The following NRG1 variants were observed in gnomAD, a reference collection of about 807,000 sequenced individuals.
NRG1 encodes pro-neuregulin-1, membrane-bound isoform.
In NRG1, 18 loss-of-function variants were observed where a neutral mutation model predicts 63.8. That is an observed-to-expected ratio of 0.28 (90% CI 0.19 to 0.42). The LOEUF is 0.42. Ranked by LOEUF, NRG1 falls within the 10% of genes least tolerant of loss-of-function variation. NRG1 has a pLI of 1.00. For synonymous variants in NRG1, 302 were observed against 301.3 expected, an observed-to-expected ratio of 1.00 and a Z score of -0.02; for missense variants, 762 against 814.7, an observed-to-expected ratio of 0.94 and a Z score of 0.79.
At chr8:32,276,715 G>A (rs190635932) in intron 1 of NRG1, among the ~76,000 whole-genome samples, 1,968 of 152,236 alleles carry the variant, frequency 0.013, 26 homozygotes, top group Non-Finnish European at 0.017. Context: ...TGTTGATGAG[G>A]CTGCTTTGGA....
intron 1 of NRG1, among the ~76,000 whole-genome samples, chr8:32,550,092 G>A (rs1215471331): frequency 1.3e-5 from 2 of 152,126 alleles, no homozygotes; most frequent in African/African-American, 4.8e-5. Flanking sequence ...TGGGTTATTG[G>A]CAGAGACCTT....
intron 1 of NRG1, among the ~76,000 whole-genome samples, chr8:32,289,082 T>C (rs10481038): frequency 0.051 from 7,733 of 152,308 alleles, 479 homozygotes; most frequent in African/African-American, 0.15. Context: ...ATTTTGTCTC[T>C]TTAATTTTCT....
chr8:32,267,379 C>G, intron 1 of NRG1, among the ~76,000 whole-genome samples: 1 of 152,154 alleles, frequency 6.6e-6, no homozygotes, highest in East Asian at 1.9e-4. Context: ...GAAGATAAGG[C>G]AGTTGGCACA....
intron 1 of NRG1, among the ~76,000 whole-genome samples, chr8:31,704,811 G>C (rs368939740): frequency 2.8e-5 from 4 of 140,984 alleles, no homozygotes; most frequent in African/African-American, 1.1e-4. Context: ...CAGCCTGGGC[G>C]ACAGAGTGAG....
chr8:32,504,213 C>T (rs1588016970), intron 1 of NRG1, among the ~76,000 whole-genome samples: 1 of 152,094 alleles, frequency 6.6e-6, no homozygotes, highest in Admixed American at 6.6e-5. Context: ...CAGCTGCAAC[C>T]AATTATTATT....
chr8:32,087,513 ACT>A (rs1223797686), intron 1 of NRG1, among the ~76,000 whole-genome samples: 56 of 79,674 alleles, frequency 7.0e-4, no homozygotes, highest in African/African-American at 2.5e-3. Flanking sequence ...ATGGACTGTC[ACT>A]CTGTCACTCA....
At chr8:31,902,338 A>C (rs1832153592) in intron 1 of NRG1, among the ~76,000 whole-genome samples, 1 of 152,224 alleles carries the variant, frequency 6.6e-6, no homozygotes, top group Non-Finnish European at 1.5e-5. Flanking sequence ...GAATGAACAG[A>C]TCCTGGGATA....
intron 1 of NRG1, among the ~76,000 whole-genome samples, chr8:32,262,854 G>T (rs572362301): frequency 1.3e-5 from 2 of 152,216 alleles, no homozygotes; most frequent in East Asian, 3.9e-4. Context: ...TAATAGGTTG[G>T]TCAAATCCTG....
At chr8:32,694,968 T>C (rs1026110466) in intron 5 of NRG1, among the ~76,000 whole-genome samples, 3 of 152,166 alleles carry the variant, frequency 2.0e-5, no homozygotes, top group Non-Finnish European at 4.4e-5. Context: ...TGCCCTGCAA[T>C]TACTGATGAT....
chr8:31,864,246 C>T (rs1397706069), intron 1 of NRG1, among the ~76,000 whole-genome samples: 1 of 152,124 alleles, frequency 6.6e-6, no homozygotes, highest in African/African-American at 2.4e-5. Flanking sequence ...TAGCCACTGA[C>T]CAGGTAATGC....
At chr8:32,585,603 G>A (rs1160039375) in intron 1 of NRG1, among the ~76,000 whole-genome samples, 2 of 152,202 alleles carry the variant, frequency 1.3e-5, no homozygotes, top group African/African-American at 4.8e-5. Flanking sequence ...ATACAGCACT[G>A]TTCACCCTTG....
chr8:31,685,110 TA>T lies in NRG1; in HGVS notation c.37+45680del, dbSNP rs531012429. On this transcript the variant is annotated intron_variant, in intron 1 of 10. Coordinates refer to the NRG1 transcript ENST00000519301. Reference sequence around the variant, plus strand: ...TTTCTTTTTAAAATTCAAGCTCACATATTAAAAATGTAGTCGATGCTGTTTG... The same window carrying T: ...TTTCTTTTTAAAATTCAAGCTCACATTTAAAAATGTAGTCGATGCTGTTTG... Among the ~76,000 whole-genome samples the T allele has an allele frequency of 7.2e-3, 1,090 of 152,288 alleles. 9 individuals are homozygous for T. The highest frequency in any genetic ancestry group is 0.025 in the African/African-American group (1,038 of 41,566).
At chr8:32,261,712 A>T (rs1850400393) in intron 1 of NRG1, among the ~76,000 whole-genome samples, 2 of 152,162 alleles carry the variant, frequency 1.3e-5, no homozygotes, top group African/African-American at 4.8e-5. Context: ...GCCAGAAAAG[A>T]TTACCTTAGG....
At chr8:31,732,755 C>A (rs1044658415) in intron 1 of NRG1, among the ~76,000 whole-genome samples, 1 of 152,016 alleles carries the variant, frequency 6.6e-6, no homozygotes, top group Admixed American at 6.6e-5. Flanking sequence ...ATTAGCCGGG[C>A]ATGGTGATGC....
intron 1 of NRG1, among the ~76,000 whole-genome samples, chr8:32,076,386 A>C (rs2131092863): frequency 6.6e-6 from 1 of 152,042 alleles, no homozygotes; most frequent in South Asian, 2.1e-4. Context: ...AATACTCCAA[A>C]ATGATTAGAA....
At chr8:31,734,763 C>T (rs1226271578) in intron 1 of NRG1, among the ~76,000 whole-genome samples, 24 of 152,166 alleles carry the variant, frequency 1.6e-4, no homozygotes, top group Admixed American at 1.4e-3. Context: ...TTTCCAGATG[C>T]TGCACCAGGA....
rs115588078 is a variant in NRG1, at chr8:32,315,551, C to T, written c.38-280277C>T. ...CTGCAATAAACATATGCACACTCACCGAACTTTGCTTCACTGTCTATCAGA... is the reference window on the plus strand; with the variant it reads ...CTGCAATAAACATATGCACACTCACTGAACTTTGCTTCACTGTCTATCAGA... On this transcript the variant is annotated intron_variant, in intron 1 of 10. Transcript: ENST00000519301. Among the ~76,000 whole-genome samples the T allele has an allele frequency of 3.2e-3, 494 of 152,258 alleles. 5 individuals carry two copies. The highest frequency in any genetic ancestry group is 0.012 in the African/African-American group (480 of 41,534).
intron 5 of NRG1, among the ~76,000 whole-genome samples, chr8:32,654,742 G>A (rs1299254064): frequency 1.7e-5 from 2 of 115,134 alleles, no homozygotes; most frequent in Admixed American, 9.0e-5. Context: ...AATGATCAAC[G>A]TTATCCCAAC....
intron 1 of NRG1, among the ~76,000 whole-genome samples, chr8:32,203,188 CTT>C (rs11311144): frequency 2.3e-3 from 140 of 61,478 alleles, no homozygotes; most frequent in African/African-American, 3.8e-3. Context: ...AGCAAGCCAG[CTT>C]TTTTTTTTTT....
Sources: gnomAD v4.1 joint callset for allele counts (sites outside exome capture counted in the v4.1 genomes callset) on GRCh38, gnomAD v4.1.1 for gene constraint, MANE v1.5 for transcripts, NCBI Gene and HGNC (gene_info 2026-07-23, HGNC 2026-07-21) for gene names.